LPIN1: variants seen among roughly 807,000 people sequenced by gnomAD.
The protein encoded by LPIN1 is lipin 1.
LPIN1 carries 71 observed loss-of-function variants against 107.5 expected under a neutral mutation model. That is an observed-to-expected ratio of 0.66 (90% CI 0.55 to 0.80). The LOEUF (loss-of-function observed/expected upper bound fraction) is 0.80, where lower values mean the gene tolerates loss of function less well. Among genes scored for constraint, LPIN1 ranks in the 30% least tolerant of loss-of-function variants. The pLI is 0.00. For missense variants in LPIN1, 1,043 were observed against 1,160.6 expected (o/e 0.90, Z 1.47); for synonymous variants, 445 against 452.6 (o/e 0.98, Z 0.21).
chr2:11,719,110 T>C (rs1411242721), intron 2 of LPIN1, among the ~76,000 whole-genome samples: 10 of 152,254 alleles, frequency 6.6e-5, no homozygotes, highest in Non-Finnish European at 1.5e-5. Flanking sequence ...GTTTTTGTTT[T>C]ATGAATGAAA....
chr2:11,742,350 G>A (rs1040132665), upstream of LPIN1, among the ~76,000 whole-genome samples: 7 of 152,164 alleles, frequency 4.6e-5, no homozygotes, highest in African/African-American at 1.7e-4. Context: ...TCCTATCTAA[G>A]GAAGGGGGGA....
rs1663167522 is a variant in LPIN1, at chr2:11,707,210, A to G, written c.82-6546A>G. 6.6e-6 allele frequency among the ~76,000 whole-genome samples: 1 copy of G among 152,260 alleles called. No homozygotes were observed. The highest frequency in any genetic ancestry group is 2.4e-5 in the African/African-American group (1 of 41,472). ...GTCAGATACTGATAAAGTGCTAAGA[A>G]GAAAAAGACAGCAGGGTAAGGAGAC... On this transcript the variant is annotated intron_variant, in intron 1 of 21. Transcript: ENST00000449576. This position sits in a 1 kb window ranked among gnomAD's most constrained non-coding sequence, Gnocchi z 4.2.
At chr2:11,687,378 A>C (rs1346995852) in intron 1 of LPIN1, among the ~76,000 whole-genome samples, 3 of 152,148 alleles carry the variant, frequency 2.0e-5, no homozygotes, top group African/African-American at 7.2e-5. Context: ...AATAATACTG[A>C]AAGTTTGAAA....
chr2:11,797,488 T>A (rs1676927716), intron 14 of LPIN1, among the ~76,000 whole-genome samples: 1 of 152,238 alleles, frequency 6.6e-6, no homozygotes, highest in Non-Finnish European at 1.5e-5. Flanking sequence ...CCTCTGGCAG[T>A]GCCCAAGGCT....
chr2:11,796,086 A>G (rs1676660519), intron 14 of LPIN1, among the ~76,000 whole-genome samples: 2 of 152,234 alleles, frequency 1.3e-5, no homozygotes, highest in African/African-American at 4.8e-5. Context: ...GGTATCATAT[A>G]CTGACACTGA....
At chr2:11,797,222 C>A (rs546631984) in intron 14 of LPIN1, among the ~76,000 whole-genome samples, 16 of 152,324 alleles carry the variant, frequency 1.1e-4, no homozygotes, top group African/African-American at 3.8e-4. Context: ...GGACCTTGTC[C>A]AACAGCCTTC....
upstream of LPIN1, among the ~76,000 whole-genome samples, chr2:11,741,653 T>C (rs995478380): frequency 6.6e-5 from 10 of 151,730 alleles, no homozygotes; most frequent in Non-Finnish European, 1.0e-4. Context: ...CTACTAAAAA[T>C]ACAAAAAATG....
At chr2:11,724,928 C>G (rs1410578645) in intron 1 of LPIN1, among the ~76,000 whole-genome samples, 5 of 152,218 alleles carry the variant, frequency 3.3e-5, no homozygotes, top group Non-Finnish European at 7.3e-5. Context: ...TTATAAAATT[C>G]TAATGTAGAC....
intron 2 of LPIN1, among the ~76,000 whole-genome samples, chr2:11,715,197 CTTCCCGTGG>C (rs1663654233): frequency 6.6e-6 from 1 of 152,192 alleles, no homozygotes; most frequent in Non-Finnish European, 1.5e-5. Flanking sequence ...CCTCGGGCAG[CTTCCCGTGG>C]TTCAGTCCCA....
chr2:11,813,976 T>C (rs1377432539), intron 17 of LPIN1, among the ~76,000 whole-genome samples: 1 of 152,040 alleles, frequency 6.6e-6, no homozygotes, highest in East Asian at 1.9e-4. Context: ...GTTGTGTTCA[T>C]AGACTAGTTG....
At chr2:11,813,861 C>T (rs1680104764) in intron 17 of LPIN1, among the ~76,000 whole-genome samples, 1 of 152,032 alleles carries the variant, frequency 6.6e-6, no homozygotes. Flanking sequence ...TTGCAGTGCG[C>T]CAAGATCACG....
At chr2:11,757,788 C>G (rs113993539) in intron 1 of LPIN1, among the ~76,000 whole-genome samples, 10 of 147,710 alleles carry the variant, frequency 6.8e-5, no homozygotes, top group African/African-American at 2.6e-4. Flanking sequence ...ACAATTTTCT[C>G]TCTCCCCAAT....
chr2:11,806,286 C>T (rs752323271), intron 17 of LPIN1, among the ~76,000 whole-genome samples: 4 of 152,322 alleles, frequency 2.6e-5, no homozygotes, highest in African/African-American at 7.2e-5. Flanking sequence ...GCCCTGCATC[C>T]GTTCATCCAT....
chr2:11,807,429 T>G (rs1678894395), intron 17 of LPIN1, among the ~76,000 whole-genome samples: 1 of 152,186 alleles, frequency 6.6e-6, no homozygotes, highest in East Asian at 1.9e-4. Context: ...TGTTGAGTAG[T>G]GCACAGCTGA....
intron 1 of LPIN1, among the ~76,000 whole-genome samples, chr2:11,735,291 CAA>C (rs1213109442): frequency 2.9e-4 from 31 of 106,400 alleles, no homozygotes; most frequent in Admixed American, 4.2e-4. Context: ...GACTCTGTCT[CAA>C]AAAAAAAAAA....
At chr2:11,819,043 T>TAC (rs3037343) in intron 18 of LPIN1, 8,776 of 156,102 alleles carry the variant, frequency 0.056, 223 homozygotes, top group East Asian at 0.068. Flanking sequence ...TATACACACA[T>TAC]ACACACACAC....
chr2:11,823,825 G>A (rs1004242421), intron 20 of LPIN1, among the ~76,000 whole-genome samples: 3 of 152,156 alleles, frequency 2.0e-5, no homozygotes. Flanking sequence ...GCAAGAGAAC[G>A]TTGTAGGAAG....
chr2:11,738,569 G>A (rs1454721301), intron 1 of LPIN1, among the ~76,000 whole-genome samples: 2 of 149,616 alleles, frequency 1.3e-5, no homozygotes. Flanking sequence ...ACAAGTATGT[G>A]AAACAACAGT....
intron 1 of LPIN1, among the ~76,000 whole-genome samples, chr2:11,710,391 C>T (rs1170385693): frequency 1.3e-5 from 2 of 152,040 alleles, no homozygotes; most frequent in Non-Finnish European, 2.9e-5. Flanking sequence ...TTAACACAAG[C>T]ATGTGTTTCA....
Sources: allele counts gnomAD v4.1 joint callset (sites outside exome capture counted in the v4.1 genomes callset), GRCh38; gene constraint gnomAD v4.1.1; non-coding constraint Gnocchi (gnomAD v3.1); transcripts MANE v1.5; gene names NCBI Gene and HGNC (gene_info 2026-07-23, HGNC 2026-07-21).